Variants in DLG1 observed in about 807,000 individuals in gnomAD.
DLG1 encodes the protein discs large MAGUK scaffold protein 1.
Under a neutral mutation model 123.4 loss-of-function variants are expected in DLG1, and 42 were observed. That is an observed-to-expected ratio of 0.34 (90% CI 0.27 to 0.44). The LOEUF (loss-of-function observed/expected upper bound fraction) is 0.44. Among genes scored for constraint, DLG1 ranks in the 20% least tolerant of loss-of-function variants. The probability of loss-of-function intolerance (pLI) is 1.00; values close to 1 mark genes in which losing one functional copy is unlikely to be tolerated. For missense variants in DLG1, 942 were observed against 1,082.6 expected (o/e 0.87, Z 1.82); for synonymous variants, 317 against 356.2 (o/e 0.89, Z 1.24).
Position 197,227,713 on chromosome 3 carries a change from A to G in DLG1, c.319-33124T>C, listed in dbSNP as rs979002741. Among the ~76,000 whole-genome samples, 9 of 152,230 alleles carry G rather than the reference A, an allele frequency of 5.9e-5. No homozygotes were observed. The South Asian group carries it at 6.2e-4, about 11-fold the overall frequency. Reference sequence around the variant, plus strand: ...CTGCTCAAGAACACTTTTAATTCCAATTTCCTACACAATTCTCTATTCTGT... The same window carrying G: ...CTGCTCAAGAACACTTTTAATTCCAGTTTCCTACACAATTCTCTATTCTGT... On this transcript the variant is annotated intron_variant, in intron 4 of 24. Transcript: ENST00000667157.
chr3:197,131,783 C>T (rs528720785), intron 10 of DLG1, among the ~76,000 whole-genome samples: 68 of 150,866 alleles, frequency 4.5e-4, no homozygotes, highest in Non-Finnish European at 9.2e-4. Flanking sequence ...TTAGTAGAGA[C>T]GGGGTTTCAC....
intron 4 of DLG1, among the ~76,000 whole-genome samples, chr3:197,265,276 T>C (rs902787771): frequency 1.3e-5 from 2 of 152,220 alleles, no homozygotes; most frequent in African/African-American, 2.4e-5. Flanking sequence ...AACAGTATTT[T>C]AGAATACCAA....
At chr3:197,207,092 G>A (rs1367712409) in intron 4 of DLG1, among the ~76,000 whole-genome samples, 2 of 152,136 alleles carry the variant, frequency 1.3e-5, no homozygotes, top group Non-Finnish European at 2.9e-5. Flanking sequence ...ATGCGGTGGC[G>A]GAGCTGGGAA....
At chr3:197,068,656 T>TCA in intron 19 of DLG1, 1 of 641,980 alleles carries the variant, frequency 1.6e-6, no homozygotes, top group Admixed American at 2.6e-5. Context: ...TTTTAAAACA[T>TCA]CACATGCTTG....
chr3:197,161,225 A>G (rs1430068308), intron 5 of DLG1, among the ~76,000 whole-genome samples: 1 of 152,192 alleles, frequency 6.6e-6, no homozygotes, highest in Admixed American at 6.5e-5. Flanking sequence ...AAGAATGAAT[A>G]TTTCCAAAGA....
At chr3:197,145,514 G>T (rs1228349518) in intron 6 of DLG1, among the ~76,000 whole-genome samples, 4 of 152,128 alleles carry the variant, frequency 2.6e-5, no homozygotes, top group Middle Eastern at 3.2e-3. Context: ...GCTGCACTGA[G>T]CTCCATTTTT....
At chr3:197,120,937 A>C (rs959715875) in intron 11 of DLG1, among the ~76,000 whole-genome samples, 2 of 152,196 alleles carry the variant, frequency 1.3e-5, no homozygotes, top group Non-Finnish European at 2.9e-5. Flanking sequence ...TGGGATTTTC[A>C]AGTGAATTGG....
intron 16 of DLG1, among the ~76,000 whole-genome samples, chr3:197,083,852 G>A (rs150360866): frequency 2.0e-5 from 3 of 151,928 alleles, no homozygotes; most frequent in East Asian, 3.9e-4. Flanking sequence ...AGTGACACGC[G>A]CCTGGAGTCC....
At position 197,044,374 on chromosome 3, in the gene DLG1, G is replaced by A. The variant is rs4916600; in HGVS notation, c.*249C>T. The A allele has an allele frequency of 0.74, 236,107 of 319,096 alleles. 87,681 individuals are homozygous for A. The highest frequency in any genetic ancestry group is 0.81 in the East Asian group (16,670 of 20,592). The allele number at this position is 319,096 out of a possible 1,614,324, so 19.8% of individuals were successfully genotyped here. A position where few individuals can be genotyped will look rare whatever the true frequency, so the allele number is the denominator to read the frequency against. Reference sequence around the variant, plus strand: ...TACCACAATTTCTGCGTCTCCCCACGTTCTTAATAGCTGGTCAGGCCATTC... The same window carrying A: ...TACCACAATTTCTGCGTCTCCCCACATTCTTAATAGCTGGTCAGGCCATTC... On this transcript the variant is annotated 3_prime_UTR_variant, in exon 25 of 25. Transcript: ENST00000667157.
chr3:197,277,211 GTTTT>G (rs1020999300), intron 4 of DLG1, among the ~76,000 whole-genome samples: 1 of 144,186 alleles, frequency 6.9e-6, no homozygotes, highest in Non-Finnish European at 1.5e-5. Context: ...TACTTTTATG[GTTTT>G]TTTTTTTTTA....
intron 4 of DLG1, among the ~76,000 whole-genome samples, chr3:197,228,622 A>G (rs971164577): frequency 3.3e-5 from 5 of 152,190 alleles, no homozygotes; most frequent in African/African-American, 1.2e-4. Context: ...CATGCATTTG[A>G]TTTTGGGACC....
At chr3:197,086,604 A>C (rs2149121111) in intron 15 of DLG1, among the ~76,000 whole-genome samples, 1 of 152,290 alleles carries the variant, frequency 6.6e-6, no homozygotes, top group Non-Finnish European at 1.5e-5. Flanking sequence ...TCTTCAAGTA[A>C]AACTCAAGAG....
intron 5 of DLG1, among the ~76,000 whole-genome samples, chr3:197,183,076 A>G (rs2150151208): frequency 6.6e-6 from 1 of 152,344 alleles, no homozygotes; most frequent in Admixed American, 6.5e-5. Flanking sequence ...AATATAGCTA[A>G]GATGTCAGTA....
intron 5 of DLG1, among the ~76,000 whole-genome samples, chr3:197,162,575 C>A (rs1180500883): frequency 6.6e-6 from 1 of 152,126 alleles, no homozygotes; most frequent in African/African-American, 2.4e-5. Flanking sequence ...ATGATCTTTT[C>A]TGCCTACCAA....
intron 15 of DLG1, among the ~76,000 whole-genome samples, chr3:197,087,042 A>G (rs1401736264): frequency 6.6e-6 from 1 of 152,208 alleles, no homozygotes; most frequent in Non-Finnish European, 1.5e-5. Context: ...TAATCGTAAG[A>G]GTGCAATGAA....
intron 14 of DLG1, among the ~76,000 whole-genome samples, chr3:197,092,640 G>A (rs1758395299): frequency 6.6e-6 from 1 of 152,050 alleles, no homozygotes; most frequent in African/African-American, 2.4e-5. Context: ...TGAGACCATC[G>A]TGTGCACCAA....
chr3:197,148,262 T>A (rs375454792), intron 6 of DLG1, among the ~76,000 whole-genome samples: 681 of 50,848 alleles, frequency 0.013, 4 homozygotes, highest in African/African-American at 0.016. Context: ...AAAAAAAAAA[T>A]AGCCAGTCAT....
At chr3:197,197,365 G>C (rs1323816646) in intron 4 of DLG1, among the ~76,000 whole-genome samples, 1 of 152,126 alleles carries the variant, frequency 6.6e-6, no homozygotes, top group Non-Finnish European at 1.5e-5. Flanking sequence ...CATTCACTGG[G>C]ATTTGCAAAA....
Position 197,044,552 on chromosome 3 carries a change from C to T in DLG1, c.*71G>A. 9.6e-7 allele frequency: 1 copy of T among 1,036,286 alleles called. No individual in the cohort carries two copies. Among genetic ancestry groups the T allele is most frequent in the South Asian group, 1.5e-5 (1 of 68,440 alleles). The allele number at this position is 1,036,286 out of a possible 1,614,324, so 64.2% of individuals were successfully genotyped here. On this transcript the variant is annotated 3_prime_UTR_variant, in exon 25 of 25. Coordinates refer to ENST00000667157, the MANE Select transcript of DLG1 (RefSeq NM_001366207.1). ...ATGAAATCAGTACTCAAGAAAGACTCCAGAGGAAAGGGCAAAGAGATGCCA... is the reference window on the plus strand; with the variant it reads ...ATGAAATCAGTACTCAAGAAAGACTTCAGAGGAAAGGGCAAAGAGATGCCA...
Sources: allele counts gnomAD v4.1 joint callset (sites outside exome capture counted in the v4.1 genomes callset), GRCh38; gene constraint gnomAD v4.1.1; transcripts MANE v1.5; gene names NCBI Gene and HGNC (gene_info 2026-07-23, HGNC 2026-07-21).